The following CTNNA3 variants were observed in gnomAD, a reference collection of about 807,000 sequenced individuals.
The protein encoded by CTNNA3 is catenin alpha-3.
A neutral mutation model predicts 95.7 loss-of-function variants in CTNNA3; 76 were observed. The observed-to-expected ratio is 0.79, with a 90% CI of 0.66 to 0.96. The LOEUF (loss-of-function observed/expected upper bound fraction) is 0.96. Among genes scored for constraint, CTNNA3 ranks in the 40% least tolerant of loss-of-function variants. The probability of loss-of-function intolerance (pLI) is 0.00; values close to 1 mark genes in which losing one functional copy is unlikely to be tolerated. For missense variants in CTNNA3, 1,191 were observed against 1,089.8 expected, an observed-to-expected ratio of 1.09 and a Z score of -1.31; for synonymous variants, 431 against 374.4, an observed-to-expected ratio of 1.15 and a Z score of -1.74.
At chr10:66,985,083 G>A (rs576780627) in intron 7 of CTNNA3, among the ~76,000 whole-genome samples, 2 of 152,164 alleles carry the variant, frequency 1.3e-5, no homozygotes, top group East Asian at 3.9e-4. Context: ...TGTCTAGAAT[G>A]TTCCTTCCTA....
intron 1 of CTNNA3, among the ~76,000 whole-genome samples, chr10:67,740,794 C>A (rs1841332589): frequency 6.6e-6 from 1 of 151,350 alleles, no homozygotes; most frequent in African/African-American, 2.4e-5. Context: ...TTTGACCCAG[C>A]CATCCCATTA....
rs1441860169 is a variant in CTNNA3 at position 67,086,969 on chromosome 10, G to C, written c.1047+93348C>G. Among the ~76,000 whole-genome samples, 5 of 151,926 alleles carry C rather than the reference G, an allele frequency of 3.3e-5. No individual in the cohort carries two copies. In the East Asian group the frequency reaches 9.7e-4, roughly 29 times the overall value. ...AAGGGGATTAAAAAAAGGAAAAGAA[G>C]AATGAGATGTTTTCATACTGATTAG... On this transcript the variant is annotated intron_variant, in intron 7 of 17. Coordinates refer to ENST00000433211, the MANE Select transcript of CTNNA3 (RefSeq NM_013266.4).
intron 1 of CTNNA3, among the ~76,000 whole-genome samples, chr10:67,715,667 C>A (rs1324325167): frequency 2.0e-5 from 3 of 151,868 alleles, no homozygotes; most frequent in African/African-American, 7.3e-5. Flanking sequence ...GAGTTAGAGC[C>A]CTAGCCAAGT....
At chr10:67,026,602 A>G (rs1371637523) in intron 7 of CTNNA3, among the ~76,000 whole-genome samples, 1 of 152,168 alleles carries the variant, frequency 6.6e-6, no homozygotes, top group Admixed American at 6.5e-5. Context: ...CTCTCAAGAA[A>G]GAACAGTCTT....
At chr10:67,709,818 C>A (rs1292413230) in intron 1 of CTNNA3, among the ~76,000 whole-genome samples, 1 of 152,178 alleles carries the variant, frequency 6.6e-6, no homozygotes, top group Non-Finnish European at 1.5e-5. Flanking sequence ...CTTGCCCATG[C>A]TGTATTGAGA....
intron 12 of CTNNA3, among the ~76,000 whole-genome samples, chr10:66,347,106 T>A (rs1294002083): frequency 2.0e-5 from 3 of 152,144 alleles, no homozygotes; most frequent in African/African-American, 7.2e-5. Context: ...AGATATGGAA[T>A]CATAAAATCA....
chr10:66,901,002 C>T (rs576117326), intron 7 of CTNNA3, among the ~76,000 whole-genome samples: 1 of 152,286 alleles, frequency 6.6e-6, no homozygotes, highest in South Asian at 2.1e-4. Context: ...AGCAGGCCAA[C>T]ATTCACATTC....
At chr10:66,455,129 T>C (rs1246918490) in intron 11 of CTNNA3, among the ~76,000 whole-genome samples, 1 of 152,122 alleles carries the variant, frequency 6.6e-6, no homozygotes. Context: ...GTGAAGAACA[T>C]CTAAGAAAAA....
intron 10 of CTNNA3, among the ~76,000 whole-genome samples, chr10:66,610,832 G>A (rs1361758553): frequency 6.6e-6 from 1 of 152,062 alleles, no homozygotes; most frequent in Admixed American, 6.6e-5. Context: ...GTACTCCCAT[G>A]TTTATTGCAG....
chr10:67,072,061 T>G (rs747114426), intron 7 of CTNNA3, among the ~76,000 whole-genome samples: 5 of 152,224 alleles, frequency 3.3e-5, no homozygotes, highest in Non-Finnish European at 5.9e-5. Flanking sequence ...CACGTGATTC[T>G]CATGCTTCAG....
intron 7 of CTNNA3, among the ~76,000 whole-genome samples, chr10:66,957,397 T>TATATATATATATGCATATATATATATAC (rs1564793769): frequency 2.7e-5 from 1 of 36,834 alleles, no homozygotes; most frequent in African/African-American, 5.5e-5. Flanking sequence ...TATATACATA[T>TATATATATATATGCATATATATATATAC]ATATATATAT....
chr10:66,695,425 A>G (rs1847720683), intron 9 of CTNNA3, among the ~76,000 whole-genome samples: 1 of 152,224 alleles, frequency 6.6e-6, no homozygotes, highest in African/African-American at 2.4e-5. Flanking sequence ...AAATGGAAAT[A>G]GAAATTTCTA....
In CTNNA3 at chr10:67,635,390, CT is replaced by C. The variant is rs535436175; in HGVS notation, c.99+12024del. 6.0e-4 allele frequency among the ~76,000 whole-genome samples: 91 copies of C among 152,280 alleles called. 2 individuals are homozygous for C. The highest frequency in any genetic ancestry group is 2.1e-3 in the African/African-American group (86 of 41,562). The stretch of plus-strand genomic sequence containing the variant: ...AACAAATAAAACTTCAGGCCAAAAT[CT>C]TTGATGAACATCGATACAAAAATCT... On this transcript the variant is annotated intron_variant, in intron 2 of 17. Transcript: ENST00000433211.
At chr10:66,022,875 C>T (rs1327945292) in intron 15 of CTNNA3, among the ~76,000 whole-genome samples, 1 of 152,136 alleles carries the variant, frequency 6.6e-6, no homozygotes, top group African/African-American at 2.4e-5. Flanking sequence ...CTAGTTAATT[C>T]CAATTTATCC....
chr10:65,997,937 C>A (rs73306101), intron 15 of CTNNA3, among the ~76,000 whole-genome samples: 3 of 152,104 alleles, frequency 2.0e-5, no homozygotes, highest in African/African-American at 7.2e-5. Flanking sequence ...ATCGCTCGAA[C>A]TCAGGAGGCA....
At position 66,847,691 on chromosome 10, in the gene CTNNA3, T is replaced by A. The variant is rs372559330; in HGVS notation, c.1048-72167A>T. Among the ~76,000 whole-genome samples, 29 of 152,260 alleles carry A rather than the reference T, an allele frequency of 1.9e-4. No homozygotes were observed. In the South Asian group the frequency reaches 5.4e-3, roughly 28 times the overall value. On this transcript the variant is annotated intron_variant, in intron 7 of 17. Coordinates refer to ENST00000433211, the MANE Select transcript of CTNNA3 (RefSeq NM_013266.4). ...AAATTTTCTTATTTATTTACCTTAG[T>A]GCAAAATGGTACCAGATTCTGTAGG...
At chr10:67,277,987 G>A (rs983813895) in intron 5 of CTNNA3, among the ~76,000 whole-genome samples, 1 of 152,090 alleles carries the variant, frequency 6.6e-6, no homozygotes, top group Non-Finnish European at 1.5e-5. Context: ...CCTGCCTATG[G>A]ACTGCCATTC....
chr10:66,709,436 G>T (rs1333890119), intron 9 of CTNNA3, among the ~76,000 whole-genome samples: 1 of 152,032 alleles, frequency 6.6e-6, no homozygotes, highest in Non-Finnish European at 1.5e-5. Context: ...AAGCATAAAG[G>T]TCGTCATCCC....
In CTNNA3 at chr10:66,136,526, GT is replaced by G. The variant is rs558820831; in HGVS notation, c.1885-33278del. On this transcript the variant is annotated intron_variant, in intron 13 of 17. Transcript: ENST00000433211. ...TTTTTTTTGGTGTTACAAGGTAATT[GT>G]TATACACACAGCAAAATATAAGTTT... is the stretch of plus-strand genomic sequence containing the variant. Among the ~76,000 whole-genome samples, 42 of 151,078 alleles carry G rather than the reference GT, an allele frequency of 2.8e-4. No individual in the cohort carries two copies. The South Asian group carries it at 7.6e-3, about 27-fold the overall frequency.
Sources: allele counts gnomAD v4.1 joint callset (sites outside exome capture counted in the v4.1 genomes callset), GRCh38; gene constraint gnomAD v4.1.1; transcripts MANE v1.5; gene names NCBI Gene and HGNC (gene_info 2026-07-23, HGNC 2026-07-21).